AHI1: variants seen among roughly 807,000 people sequenced by gnomAD.
AHI1 encodes Abelson helper integration site 1.
In AHI1, 123 loss-of-function variants were observed where a neutral mutation model predicts 149.3. The ratio of observed to expected loss-of-function variants is 0.82; its 90% CI spans 0.71 to 0.96. The LOEUF (loss-of-function observed/expected upper bound fraction) is 0.96. AHI1 is among the 40% of genes least tolerant of loss of function. The pLI, the probability that AHI1 is intolerant of heterozygous loss-of-function variation, is 0.00. For missense variants in AHI1, 1,439 were observed against 1,422.7 expected (o/e 1.01, Z -0.18); for synonymous variants, 475 against 459.8 (o/e 1.03, Z -0.42).
intron 28 of AHI1, 74 bp from the exon 29 acceptor site, chr6:135,285,721 T>A: frequency 7.7e-7 from 1 of 1,294,752 alleles, no homozygotes; most frequent in East Asian, 2.4e-5. Flanking sequence ...AATCTTAGTG[T>A]GCTCAGGCAA....
chr6:135,444,071 A>G (rs1199437441), intron 13 of AHI1, among the ~76,000 whole-genome samples: 1 of 152,158 alleles, frequency 6.6e-6, no homozygotes. Context: ...TGAAAGTCTG[A>G]TAACAACAAT....
intron 24 of AHI1, among the ~76,000 whole-genome samples, chr6:135,350,506 G>A (rs1791919360): frequency 6.6e-6 from 1 of 152,056 alleles, no homozygotes; most frequent in Non-Finnish European, 1.5e-5. Flanking sequence ...TATAAGTAGT[G>A]GTGAGTAAGA....
At chr6:135,331,969 C>T (rs77061062) in intron 24 of AHI1, among the ~76,000 whole-genome samples, 2,011 of 152,122 alleles carry the variant, frequency 0.013, 45 homozygotes, top group African/African-American at 0.046. Flanking sequence ...CTAATAGACA[C>T]GATTTTTACT....
chr6:135,464,358 T>G (rs149825907), intron 7 of AHI1, among the ~76,000 whole-genome samples: 219 of 152,276 alleles, frequency 1.4e-3, no homozygotes, highest in African/African-American at 5.0e-3. Context: ...CTATTTCATA[T>G]TGACTATGGC....
At chr6:135,391,693 T>C (rs1778519180) in intron 23 of AHI1, among the ~76,000 whole-genome samples, 1 of 152,124 alleles carries the variant, frequency 6.6e-6, no homozygotes. Flanking sequence ...TCCCCAGCCA[T>C]ACCAAGCTCT....
chr6:135,471,517 C>A (rs930077289), intron 5 of AHI1, among the ~76,000 whole-genome samples: 7 of 152,054 alleles, frequency 4.6e-5, no homozygotes, highest in Non-Finnish European at 8.8e-5. Flanking sequence ...TCTAGTTGTA[C>A]TGTACTATTT....
intron 24 of AHI1, among the ~76,000 whole-genome samples, chr6:135,351,860 G>A (rs1171495619): frequency 6.6e-6 from 1 of 152,124 alleles, no homozygotes; most frequent in Non-Finnish European, 1.5e-5. Context: ...CTGGACCTGC[G>A]CCTCCTTCCT....
intron 24 of AHI1, among the ~76,000 whole-genome samples, chr6:135,343,700 T>C (rs962150014): frequency 2.7e-5 from 4 of 148,486 alleles, no homozygotes; most frequent in Non-Finnish European, 6.0e-5. Flanking sequence ...AACAGCTAAA[T>C]GCGAAAGAAT....
chr6:135,404,451 C>A (rs1009848496), intron 22 of AHI1, among the ~76,000 whole-genome samples: 2 of 152,102 alleles, frequency 1.3e-5, no homozygotes. Flanking sequence ...ATTGGAATAA[C>A]AATTATATCT....
intron 26 of AHI1, 131 bp downstream of exon 26, chr6:135,318,388 A>T (rs1562489939): frequency 1.5e-6 from 1 of 678,770 alleles, no homozygotes; most frequent in Non-Finnish European, 2.5e-6. Flanking sequence ...TTTCATAATG[A>T]TGTTTGTACC....
At chr6:135,297,772 GA>G (rs532089019) in intron 27 of AHI1, among the ~76,000 whole-genome samples, 99 of 149,216 alleles carry the variant, frequency 6.6e-4, no homozygotes, top group African/African-American at 2.2e-3. Flanking sequence ...GATTATTTTA[GA>G]AAAAAAAATG....
At chr6:135,396,726 A>C (rs1779264996) in intron 22 of AHI1, among the ~76,000 whole-genome samples, 1 of 151,776 alleles carries the variant, frequency 6.6e-6, no homozygotes, top group African/African-American at 2.4e-5. Context: ...TTTATCTTAA[A>C]ATCAAGTAAT....
intron 11 of AHI1, among the ~76,000 whole-genome samples, chr6:135,449,214 G>C (rs764465720): frequency 1.1e-4 from 17 of 151,936 alleles, no homozygotes; most frequent in Non-Finnish European, 1.8e-4. Context: ...ACACCTGGTT[G>C]ATTTTTGTGT....
At chr6:135,476,651 A>C (rs1199140477) in intron 5 of AHI1, among the ~76,000 whole-genome samples, 2 of 151,996 alleles carry the variant, frequency 1.3e-5, no homozygotes, top group Non-Finnish European at 2.9e-5. Context: ...CATATTTTGA[A>C]GCTTTGTTAT....
intron 8 of AHI1, among the ~76,000 whole-genome samples, chr6:135,462,701 G>A (rs1033024068): frequency 3.3e-5 from 5 of 152,118 alleles, no homozygotes; most frequent in Non-Finnish European, 7.4e-5. Context: ...ATGAGTTCGA[G>A]ACCAGCTTGG....
chr6:135,328,101 G>A (rs1445036449), intron 24 of AHI1, among the ~76,000 whole-genome samples: 2 of 152,058 alleles, frequency 1.3e-5, no homozygotes, highest in Non-Finnish European at 2.9e-5. Flanking sequence ...GGGGTGGGGG[G>A]CAGTCTTGGG....
chr6:135,333,306 ACATTATTAAATATTAAAATGCTTC>A (rs1237906661), intron 24 of AHI1, among the ~76,000 whole-genome samples: 4 of 152,228 alleles, frequency 2.6e-5, no homozygotes, highest in African/African-American at 7.2e-5. Flanking sequence ...GTACAGAAGC[ACATTATTAAATATTAAAATGCTTC>A]CTTTACTAAT....
intron 16 of AHI1, among the ~76,000 whole-genome samples, chr6:135,431,968 T>C (rs1326869714): frequency 2.0e-5 from 3 of 150,540 alleles, no homozygotes; most frequent in Non-Finnish European, 4.4e-5. Flanking sequence ...TTGGCCCACC[T>C]CTACCCACTG....
intron 23 of AHI1, among the ~76,000 whole-genome samples, chr6:135,394,330 C>T (rs56031931): frequency 0.012 from 1,777 of 152,010 alleles, 40 homozygotes; most frequent in African/African-American, 0.041. Flanking sequence ...ATGTAACAAG[C>T]TTTTTTGCAT....
Sources: allele counts gnomAD v4.1 joint callset (sites outside exome capture counted in the v4.1 genomes callset), GRCh38; gene constraint gnomAD v4.1.1; transcripts MANE v1.5; gene names NCBI Gene and HGNC (gene_info 2026-07-23, HGNC 2026-07-21).